Variants in MTUS1 observed in about 807,000 individuals in gnomAD.
MTUS1 encodes the protein microtubule-associated tumor suppressor 1.
MTUS1 carries 109 observed loss-of-function variants against 120.8 expected under a neutral mutation model. The observed-to-expected ratio is 0.90, with a 90% CI of 0.77 to 1.06. The LOEUF is 1.06. Among genes scored for constraint, MTUS1 ranks in the 50% least tolerant of loss-of-function variants. The probability of loss-of-function intolerance (pLI) is 0.00; values close to 1 mark genes in which losing one functional copy is unlikely to be tolerated. For synonymous variants in MTUS1, 737 were observed against 550.5 expected (o/e 1.34, Z -4.74); for missense variants, 2,210 against 1,486.3 (o/e 1.49, Z -8.01).
rs200439413 is a variant in MTUS1, at chr8:17,754,510, A to G, written c.1298T>C (p.Leu433Pro). 7.5e-5 allele frequency: 121 copies of G among 1,614,172 alleles called. No individual in the cohort carries two copies. The African/African-American group carries it at 1.3e-3, about 18-fold the overall frequency. ...DKTMCMSTPV[L>P]EPTKVTFSVS... is the part of the protein sequence containing the mutation. Reference sequence around the variant, plus strand: ...AGAAAAGGTTACTTTTGTGGGTTCTAGGACTGGTGTTGACATGCACATCGT... The same window carrying G: ...AGAAAAGGTTACTTTTGTGGGTTCTGGGACTGGTGTTGACATGCACATCGT... Residue 433 changes from leucine (L) to proline (P), a missense_variant, in exon 2 of 15, where the codon CTA becomes CCA. Transcript: ENST00000693296.
chr8:17,738,908 G>C (rs76241763), intron 3 of MTUS1, among the ~76,000 whole-genome samples: 3,702 of 152,110 alleles, frequency 0.024, 68 homozygotes, highest in Non-Finnish European at 0.033. Flanking sequence ...GGAGGCCTAG[G>C]TGGGAGGATC....
Position 17,767,533 on chromosome 8 carries a change from T to A in MTUS1, c.-154-11572A>T, listed in dbSNP as rs371039813. Among the ~76,000 whole-genome samples, 7 of 141,358 alleles carry A rather than the reference T, an allele frequency of 5.0e-5. No homozygotes were observed. The South Asian group carries it at 6.9e-4, about 14-fold the overall frequency. The allele number at this position is 141,358 out of a possible 152,430, so 92.7% of individuals were successfully genotyped here. On this transcript the variant is annotated intron_variant, in intron 1 of 14. Transcript: ENST00000693296. ...GCAACACAGCAAAACCCCATCTCTT[T>A]AAAAAAAAAAAAAAATCAACCAGGC...
intron 12 of MTUS1, among the ~76,000 whole-genome samples, chr8:17,652,982 T>C (rs1585409850): frequency 6.6e-6 from 1 of 152,192 alleles, no homozygotes; most frequent in Non-Finnish European, 1.5e-5. Context: ...CATCCTGGAC[T>C]TCATCCGTAT....
At chr8:17,786,628 G>A (rs1371239346) in intron 1 of MTUS1, among the ~76,000 whole-genome samples, 1 of 152,170 alleles carries the variant, frequency 6.6e-6, no homozygotes, top group Non-Finnish European at 1.5e-5. Context: ...GGATGTGTGA[G>A]GCAGTTGGGT....
intron 1 of MTUS1, among the ~76,000 whole-genome samples, chr8:17,767,707 A>AAAAAAAAAACAAACAAACAAACAAAC (rs57053978): frequency 0.11 from 16,273 of 144,096 alleles, 1,097 homozygotes; most frequent in East Asian, 0.14. Context: ...TCTTAAAAAA[A>AAAAAAAAAACAAACAAACAAACAAAC]AAAAAAAAAA....
At chr8:17,677,050 C>G (rs1478434709) in intron 7 of MTUS1, among the ~76,000 whole-genome samples, 2 of 152,132 alleles carry the variant, frequency 1.3e-5, no homozygotes, top group Admixed American at 1.3e-4. Flanking sequence ...CACTGAGTAC[C>G]TTTCTGGCTT....
intron 3 of MTUS1, among the ~76,000 whole-genome samples, chr8:17,740,328 T>C (rs2047219775): frequency 1.3e-5 from 2 of 152,268 alleles, no homozygotes; most frequent in Admixed American, 1.3e-4. Context: ...GGTCTGGTTT[T>C]CTACTTAAGT....
intron 6 of MTUS1, 21 bp downstream of exon 6, chr8:17,713,193 A>G (rs776775011): frequency 1.3e-6 from 2 of 1,574,680 alleles, no homozygotes; most frequent in Middle Eastern, 1.7e-4. Context: ...TTTTATCGCC[A>G]TCCATAAAGT....
chr8:17,727,929 A>G (rs1029450551), intron 3 of MTUS1, among the ~76,000 whole-genome samples: 1 of 152,230 alleles, frequency 6.6e-6, no homozygotes, highest in African/African-American at 2.4e-5. Context: ...TTGGATTTGA[A>G]GCAAACCTTC....
chr8:17,789,930 C>T (rs2051631541), intron 1 of MTUS1, among the ~76,000 whole-genome samples: 1 of 152,098 alleles, frequency 6.6e-6, no homozygotes, highest in Non-Finnish European at 1.5e-5. Flanking sequence ...TCGTCTCTTC[C>T]CAGTTCTGAC....
intron 6 of MTUS1, among the ~76,000 whole-genome samples, chr8:17,709,825 G>A (rs945857883): frequency 6.6e-6 from 1 of 151,940 alleles, no homozygotes; most frequent in African/African-American, 2.4e-5. Context: ...GGCTAACACG[G>A]TGAAACCCCG....
chr8:17,682,991 G>C (rs546061910), intron 7 of MTUS1, among the ~76,000 whole-genome samples: 1 of 152,198 alleles, frequency 6.6e-6, no homozygotes, highest in Non-Finnish European at 1.5e-5. Context: ...AAATCATTAA[G>C]GCTGGGCGCA....
chr8:17,788,333 T>C (rs1009124250), intron 1 of MTUS1, among the ~76,000 whole-genome samples: 4 of 152,242 alleles, frequency 2.6e-5, no homozygotes. Flanking sequence ...TCATGAATTC[T>C]TATTGGAATC....
chr8:17,732,648 T>C (rs1009740583), intron 3 of MTUS1, among the ~76,000 whole-genome samples: 3 of 152,190 alleles, frequency 2.0e-5, no homozygotes, highest in Non-Finnish European at 4.4e-5. Flanking sequence ...TGGCCTCTTA[T>C]CAATCATTTC....
At chr8:17,732,086 C>T (rs939389468) in intron 3 of MTUS1, among the ~76,000 whole-genome samples, 1 of 152,210 alleles carries the variant, frequency 6.6e-6, no homozygotes, top group Non-Finnish European at 1.5e-5. Flanking sequence ...TTGCTTCCAG[C>T]CTTTGAATGC....
intron 1 of MTUS1, among the ~76,000 whole-genome samples, chr8:17,785,323 G>C (rs1303941820): frequency 6.6e-6 from 1 of 152,180 alleles, no homozygotes; most frequent in Non-Finnish European, 1.5e-5. Flanking sequence ...CACTGTTACA[G>C]ATATGGAGAA....
At position 17,755,345 on chromosome 8, in the gene MTUS1, A is replaced by G. The variant is rs2048528195; in HGVS notation, c.463T>C (p.Leu155=). 6.2e-7 allele frequency: 1 copy of G among 1,614,084 alleles called. No individual in the cohort carries two copies. The highest frequency in any genetic ancestry group is 1.1e-5 in the South Asian group (1 of 91,090). Residue 155 remains leucine (L), a synonymous_variant, in exon 2 of 15, where the codon TTG becomes CTG. Coordinates refer to ENST00000693296, the MANE Select transcript of MTUS1 (RefSeq NM_001363059.2). ...ATGTCAAATGTTTGGTTTAGCTCCA[A>G]GGCATCACAGTAGCCTGCACAGTTC... ...NLNCAGYCDA[L]ELNQTFDMTV... is the part of the protein sequence containing the mutation.
chr8:17,701,911 TTAACA>T (rs1320388655), intron 6 of MTUS1, among the ~76,000 whole-genome samples: 1 of 152,194 alleles, frequency 6.6e-6, no homozygotes, highest in Non-Finnish European at 1.5e-5. Flanking sequence ...GTTTTTAAAC[TTAACA>T]TAAGCTTAAT....
In MTUS1 at chr8:17,743,513, C is replaced by A. The variant is rs1242837525; in HGVS notation, c.2287+91G>T. The A allele has an allele frequency of 4.0e-6, 5 of 1,253,066 alleles. No individual in the cohort carries two copies. In the African/African-American group the frequency reaches 7.5e-5, roughly 19 times the overall value. The allele number at this position is 1,253,066 out of a possible 1,614,324, so 77.6% of individuals were successfully genotyped here. A position where few individuals can be genotyped will look rare whatever the true frequency, so the allele number is the denominator to read the frequency against. On this transcript the variant is annotated intron_variant, in intron 3 of 14. Coordinates refer to ENST00000693296, the MANE Select transcript of MTUS1 (RefSeq NM_001363059.2). The stretch of plus-strand genomic sequence containing the variant: ...ATGCTGATCCACAAAAGGCTAACTG[C>A]TTTAGTGACAGAAGGCATTAGACCT...
Sources: gnomAD v4.1 joint callset for allele counts (sites outside exome capture counted in the v4.1 genomes callset) on GRCh38, gnomAD v4.1.1 for gene constraint, MANE v1.5 for transcripts, NCBI Gene and HGNC (gene_info 2026-07-23, HGNC 2026-07-21) for gene names.